LRP1B: variants seen among roughly 807,000 people sequenced by gnomAD.
The protein encoded by LRP1B is LDL receptor related protein 1B.
Under a neutral mutation model 556.6 loss-of-function variants are expected in LRP1B, and 217 were observed. That is an observed-to-expected ratio of 0.39 (90% confidence interval 0.35 to 0.44). The LOEUF (loss-of-function observed/expected upper bound fraction) is 0.44. LRP1B is among the 20% of genes least tolerant of loss of function. LRP1B has a pLI of 1.00. For synonymous variants in LRP1B, 2,047 were observed against 1,865.8 expected, an observed-to-expected ratio of 1.10 and a Z score of -2.50; for missense variants, 5,053 against 5,620.8, an observed-to-expected ratio of 0.90 and a Z score of 3.23.
At chr2:140,683,934 T>C in intron 41 of LRP1B, 1 of 428,712 alleles carries the variant, frequency 2.3e-6, no homozygotes, top group Non-Finnish European at 4.3e-6. Flanking sequence ...CTGGATGTTG[T>C]GGGCTACGTG....
At chr2:141,411,242 C>T (rs919482986) in intron 3 of LRP1B, among the ~76,000 whole-genome samples, 1 of 151,920 alleles carries the variant, frequency 6.6e-6, no homozygotes, top group African/African-American at 2.4e-5. Flanking sequence ...ATAACTGAAA[C>T]ATAATGAAGC....
At position 140,827,668 on chromosome 2, in the gene LRP1B, G is replaced by A. The variant is rs183558642; in HGVS notation, c.5209+12323C>T. 5.9e-5 allele frequency among the ~76,000 whole-genome samples: 9 copies of A among 152,146 alleles called. 1 individual carries two copies. The East Asian group carries it at 1.7e-3, about 29-fold the overall frequency. ...ATCTAAGAGTTATTAGCATATAAGG[G>A]AGTTGAGAAAGAGCAAGGGGGTAGA... is the stretch of plus-strand genomic sequence containing the variant. On this transcript the variant is annotated intron_variant, in intron 31 of 90. Transcript: ENST00000389484.
chr2:141,954,791 T>A lies in LRP1B; in HGVS notation c.83-144390A>T, dbSNP rs144690674. ...TTCATAGCTCAAAGTTTTGAGCCTC[T>A]GAGTCTCTCAGCTACATATGAGTTA... On this transcript the variant is annotated intron_variant, in intron 1 of 90. Transcript: ENST00000389484. Among the ~76,000 whole-genome samples, 14 of 152,228 alleles carry A rather than the reference T, an allele frequency of 9.2e-5. No individual in the cohort carries two copies. The East Asian group carries it at 2.5e-3, about 27-fold the overall frequency.
rs1559094629 is a variant in LRP1B at position 140,748,784 on chromosome 2, A to AATATATC, written c.5758+20428_5758+20429insGATATAT. The stretch of plus-strand genomic sequence containing the variant: ...ATATACATGTATATAATATGTATAT[A>AATATATC]ATATATATTATATACATATTATATA... On this transcript the variant is annotated intron_variant, in intron 35 of 90. Transcript: ENST00000389484. Among the ~76,000 whole-genome samples the AATATATC allele has an allele frequency of 8.9e-3, 383 of 43,048 alleles. 79 individuals carry two copies. In the East Asian group the frequency reaches 0.13, roughly 15 times the overall value. The allele number at this position is 43,048 out of a possible 152,430, so 28.2% of individuals were successfully genotyped here.
rs763609355 is a variant in LRP1B at position 140,492,710 on chromosome 2, A to AGGG, written c.9035-18_9035-17insCCC. The stretch of plus-strand genomic sequence containing the variant: ...GTTCTTCATCTAAACACCAACACAA[A>AGGG]TAACATATTAGACTTTAAGTATGTA... On this transcript the variant is annotated splice_polypyrimidine_tract_variant and intron_variant, in intron 56 of 90. Transcript: ENST00000389484. The AGGG allele has an allele frequency of 2.0e-6, 3 of 1,524,318 alleles. No individual in the cohort carries two copies. The highest frequency in any genetic ancestry group is 2.7e-6 in the Non-Finnish European group (3 of 1,098,680). The allele number at this position is 1,524,318 out of a possible 1,614,324, so 94.4% of individuals were successfully genotyped here. A position where few individuals can be genotyped will look rare whatever the true frequency, so the allele number is the denominator to read the frequency against.
chr2:141,635,419 C>T (rs1485517732), intron 2 of LRP1B, among the ~76,000 whole-genome samples: 2 of 151,532 alleles, frequency 1.3e-5, no homozygotes, highest in Non-Finnish European at 2.9e-5. Flanking sequence ...TGGAGAAATA[C>T]AAAAAAAAGT....
At chr2:140,949,122 A>C (rs1695629799) in intron 20 of LRP1B, among the ~76,000 whole-genome samples, 1 of 152,180 alleles carries the variant, frequency 6.6e-6, no homozygotes, top group South Asian at 2.1e-4. Context: ...CCTCCACACT[A>C]AATAAATTAC....
At chr2:141,654,264 A>G (rs1467844051) in intron 2 of LRP1B, among the ~76,000 whole-genome samples, 1 of 152,222 alleles carries the variant, frequency 6.6e-6, no homozygotes, top group Admixed American at 6.5e-5. Context: ...GTATTGCAAT[A>G]TAAACCATCA....
chr2:141,163,992 C>A (rs1174910725), intron 7 of LRP1B, among the ~76,000 whole-genome samples: 1 of 151,748 alleles, frequency 6.6e-6, no homozygotes, highest in African/African-American at 2.4e-5. Context: ...TTACATTAGA[C>A]CTAATAAACA....
intron 1 of LRP1B, among the ~76,000 whole-genome samples, chr2:142,114,353 A>G (rs1707109281): frequency 6.6e-6 from 1 of 152,146 alleles, no homozygotes; most frequent in Admixed American, 6.6e-5. Context: ...CATATAATCA[A>G]TTATTGCAGT....
At chr2:140,618,876 G>A (rs1350789413) in intron 41 of LRP1B, among the ~76,000 whole-genome samples, 1 of 151,968 alleles carries the variant, frequency 6.6e-6, no homozygotes, top group African/African-American at 2.4e-5. Context: ...AATCGAAGAA[G>A]GTATAATAAT....
chr2:141,350,291 C>A (rs1256531419), intron 3 of LRP1B, among the ~76,000 whole-genome samples: 4 of 151,904 alleles, frequency 2.6e-5, no homozygotes, highest in Non-Finnish European at 5.9e-5. Flanking sequence ...GTACAAGTAG[C>A]AAAGGCCAGG....
intron 35 of LRP1B, among the ~76,000 whole-genome samples, chr2:140,718,293 C>T (rs1185399282): frequency 6.6e-6 from 1 of 151,944 alleles, no homozygotes; most frequent in Non-Finnish European, 1.5e-5. Flanking sequence ...CTAAAAGCAT[C>T]GGGATTGTCC....
intron 2 of LRP1B, among the ~76,000 whole-genome samples, chr2:141,734,840 A>T (rs1248764171): frequency 1.3e-5 from 2 of 152,178 alleles, no homozygotes; most frequent in Non-Finnish European, 2.9e-5. Flanking sequence ...TGAATATGTT[A>T]TTAAGCACCT....
intron 3 of LRP1B, among the ~76,000 whole-genome samples, chr2:141,413,420 T>C (rs1166509748): frequency 1.3e-5 from 2 of 152,032 alleles, no homozygotes; most frequent in East Asian, 3.9e-4. Context: ...AGCCAAGCAA[T>C]GTGGGAGGCC....
chr2:141,392,827 C>A (rs961741856), intron 3 of LRP1B, among the ~76,000 whole-genome samples: 1 of 152,056 alleles, frequency 6.6e-6, no homozygotes, highest in African/African-American at 2.4e-5. Context: ...ATATGAATGC[C>A]CAGCACTTAG....
intron 43 of LRP1B, among the ~76,000 whole-genome samples, chr2:140,590,437 G>A (rs901850746): frequency 4.6e-5 from 7 of 151,464 alleles, no homozygotes; most frequent in African/African-American, 1.7e-4. Context: ...TTTACATGTT[G>A]AAGCCCTGAC....
intron 55 of LRP1B, among the ~76,000 whole-genome samples, chr2:140,498,591 G>A (rs1009895642): frequency 2.6e-5 from 4 of 151,762 alleles, no homozygotes; most frequent in Middle Eastern, 3.2e-3. Flanking sequence ...TTTAGAGGAC[G>A]ATTTCCTGTC....
Position 141,112,803 on chromosome 2 carries a change from T to G in LRP1B, c.1014-50530A>C, listed in dbSNP as rs546025017. ...ACTACTGCAAATAATGAAAATCAAC[T>G]GTATTTGAAAAAGGCAAATTGATTA... On this transcript the variant is annotated intron_variant, in intron 7 of 90. Transcript: ENST00000389484. 7.2e-5 allele frequency among the ~76,000 whole-genome samples: 11 copies of G among 152,280 alleles called. No individual in the cohort carries two copies. In the East Asian group the frequency reaches 2.1e-3, roughly 29 times the overall value.
Sources: gnomAD v4.1 joint callset for allele counts (sites outside exome capture counted in the v4.1 genomes callset) on GRCh38, gnomAD v4.1.1 for gene constraint, MANE v1.5 for transcripts, NCBI Gene and HGNC (gene_info 2026-07-23, HGNC 2026-07-21) for gene names.